The following HHAT variants were observed in gnomAD, a reference collection of about 807,000 sequenced individuals.
HHAT encodes protein-cysteine N-palmitoyltransferase HHAT.
Under a neutral mutation model 70.8 loss-of-function variants are expected in HHAT, and 47 were observed. That is an observed-to-expected ratio of 0.66 (90% CI 0.53 to 0.85). The LOEUF is 0.85. Ranked by LOEUF, HHAT falls within the 40% of genes least tolerant of loss-of-function variation. The pLI, the probability that HHAT is intolerant of heterozygous loss-of-function variation, is 0.00. For synonymous variants in HHAT, 228 were observed against 247.6 expected, an observed-to-expected ratio of 0.92 and a Z score of 0.74; for missense variants, 609 against 604.8, an observed-to-expected ratio of 1.01 and a Z score of -0.07.
rs1285128783 is a variant in HHAT at position 210,623,681 on chromosome 1, T to C, written c.1390+11T>C. The C allele has an allele frequency of 1.2e-6, 2 of 1,612,012 alleles. No individual in the cohort carries two copies. The highest frequency in any genetic ancestry group is 3.3e-5 in the Admixed American group (2 of 59,850). On this transcript the variant is annotated intron_variant, in intron 11 of 11. Coordinates refer to ENST00000261458, the MANE Select transcript of HHAT (RefSeq NM_018194.6). ...GGATCTTCATACAAGGTAAGTTGCT[T>C]GACAGTGCTGTTTTCAGTCAGTTTC...
intron 11 of HHAT, among the ~76,000 whole-genome samples, chr1:210,637,987 G>T (rs1218833361): frequency 6.6e-6 from 1 of 152,066 alleles, no homozygotes; most frequent in East Asian, 1.9e-4. Context: ...CATTAAAACC[G>T]CAATAAGATA....
intron 11 of HHAT, among the ~76,000 whole-genome samples, chr1:210,639,767 T>C (rs1364134321): frequency 6.6e-6 from 1 of 152,194 alleles, no homozygotes; most frequent in Non-Finnish European, 1.5e-5. Context: ...CCGTTCCCCT[T>C]TGTGTCATCG....
intron 10 of HHAT, among the ~76,000 whole-genome samples, chr1:210,596,871 G>A (rs1359750275): frequency 2.0e-5 from 3 of 152,130 alleles, no homozygotes; most frequent in Non-Finnish European, 4.4e-5. Flanking sequence ...TGGTTGTCAT[G>A]CTTGTGGATG....
rs377096652 is a variant in HHAT at position 210,587,010 on chromosome 1, C to G, written c.1044-888C>G. Among the ~76,000 whole-genome samples the G allele has an allele frequency of 4.5e-4, 68 of 152,326 alleles. 1 individual carries two copies. In the South Asian group the frequency reaches 0.014, roughly 31 times the overall value. On this transcript the variant is annotated intron_variant, in intron 9 of 11. Transcript: ENST00000261458. ...GAATTCACGACTGCTTCTGGGCAAC[C>G]TGCCTAGAAAGCTGGGGAACCGTCT...
chr1:210,498,840 G>A lies in HHAT; in HGVS notation c.1008-14313G>A, dbSNP rs1472531483. Among the ~76,000 whole-genome samples, 12 of 148,630 alleles carry A rather than the reference G, an allele frequency of 8.1e-5. No individual in the cohort carries two copies. The Admixed American group carries it at 8.2e-4, about 10-fold the overall frequency. ...TGCTAGAGTCAGTGGTGCGATCTCA[G>A]CTCACTGCAACCTCCATCTCCTGGG... On this transcript the variant is annotated intron_variant, in intron 8 of 11. Coordinates refer to ENST00000261458, the MANE Select transcript of HHAT (RefSeq NM_018194.6).
chr1:210,618,579 G>T (rs916788027), intron 10 of HHAT, among the ~76,000 whole-genome samples: 6 of 152,118 alleles, frequency 3.9e-5, no homozygotes, highest in Non-Finnish European at 8.8e-5. Flanking sequence ...CCGGCCATCT[G>T]CTCCTCCAGA....
intron 9 of HHAT, among the ~76,000 whole-genome samples, chr1:210,563,795 T>C (rs1405946972): frequency 6.6e-6 from 1 of 152,218 alleles, no homozygotes. Context: ...GGTGTACCCC[T>C]CACTTCAGCT....
chr1:210,545,930 G>C (rs2095479496), intron 9 of HHAT, among the ~76,000 whole-genome samples: 1 of 152,290 alleles, frequency 6.6e-6, no homozygotes, highest in African/African-American at 2.4e-5. Flanking sequence ...TTTTGCTTAT[G>C]TCACCAACAC....
chr1:210,395,003 G>GTATATATATATACATATGTATGTA (rs3036589), intron 4 of HHAT, among the ~76,000 whole-genome samples: 1 of 151,950 alleles, frequency 6.6e-6, no homozygotes, highest in Middle Eastern at 3.4e-3. Context: ...ACATATGTAT[G>GTATATATATATACATATGTATGTA]TATATATATA....
intron 8 of HHAT, among the ~76,000 whole-genome samples, chr1:210,477,795 G>T (rs1274786587): frequency 1.3e-5 from 2 of 152,176 alleles, no homozygotes; most frequent in African/African-American, 2.4e-5. Flanking sequence ...TTTAATCGAG[G>T]TTCTTCAGCT....
At position 210,531,459 on chromosome 1, in the gene HHAT, G is replaced by A. The variant is rs534641334; in HGVS notation, c.1043+18271G>A. Among the ~76,000 whole-genome samples, 194 of 152,252 alleles carry A rather than the reference G, an allele frequency of 1.3e-3. 1 individual carries two copies. The highest frequency in any genetic ancestry group is 4.5e-3 in the African/African-American group (186 of 41,546). ...AGAAGAGGAACCCAGGCAGAGGACT[G>A]GAATCTCTTGTCAATACAGGCTGCA... On this transcript the variant is annotated intron_variant, in intron 9 of 11. Transcript: ENST00000261458.
intron 11 of HHAT, among the ~76,000 whole-genome samples, chr1:210,662,221 C>T (rs1169063396): frequency 6.6e-6 from 1 of 152,158 alleles, no homozygotes; most frequent in Non-Finnish European, 1.5e-5. Flanking sequence ...AGTTTGCCCT[C>T]AGCCTTCGGT....
chr1:210,562,182 G>A (rs1037071394), intron 9 of HHAT, among the ~76,000 whole-genome samples: 2 of 152,082 alleles, frequency 1.3e-5, no homozygotes, highest in Non-Finnish European at 2.9e-5. Context: ...ATAGAGAGTT[G>A]ACTGCTGTTT....
chr1:210,394,101 GC>G (rs1320974420), intron 4 of HHAT, among the ~76,000 whole-genome samples: 1 of 152,102 alleles, frequency 6.6e-6, no homozygotes, highest in Non-Finnish European at 1.5e-5. Context: ...TGCTGTTGTA[GC>G]CTTAAGCCCT....
At chr1:210,495,500 G>C (rs2094622582) in intron 8 of HHAT, among the ~76,000 whole-genome samples, 1 of 152,060 alleles carries the variant, frequency 6.6e-6, no homozygotes, top group South Asian at 2.1e-4. Flanking sequence ...TTTACTCTCA[G>C]TTATTGCAAG....
intron 9 of HHAT, among the ~76,000 whole-genome samples, chr1:210,517,744 G>C (rs989869216): frequency 3.3e-5 from 5 of 152,134 alleles, no homozygotes; most frequent in Non-Finnish European, 7.4e-5. Context: ...GTGTTAATTA[G>C]CTTGATTTAA....
intron 6 of HHAT, among the ~76,000 whole-genome samples, chr1:210,415,422 C>G (rs1243726675): frequency 6.6e-6 from 1 of 152,174 alleles, no homozygotes; most frequent in South Asian, 2.1e-4. Context: ...CCTGGGGTCA[C>G]TAGTGCATCT....
intron 9 of HHAT, among the ~76,000 whole-genome samples, chr1:210,545,429 T>C (rs993182440): frequency 7.4e-6 from 1 of 135,258 alleles, no homozygotes; most frequent in Non-Finnish European, 1.5e-5. Context: ...ATGACTTCTT[T>C]TTTTTCCTTT....
chr1:210,478,769 A>T (rs557869028), intron 8 of HHAT, among the ~76,000 whole-genome samples: 1 of 152,078 alleles, frequency 6.6e-6, no homozygotes. Flanking sequence ...TTCTTGTGTG[A>T]GTTTGTCATA....
Sources: gnomAD v4.1 joint callset for allele counts (sites outside exome capture counted in the v4.1 genomes callset) on GRCh38, gnomAD v4.1.1 for gene constraint, MANE v1.5 for transcripts, NCBI Gene and HGNC (gene_info 2026-07-23, HGNC 2026-07-21) for gene names.